The following SLC30A7 variants were observed in gnomAD, a reference collection of about 807,000 sequenced individuals.
SLC30A7 encodes zinc transporter 7.
In SLC30A7, 35 loss-of-function variants were observed where a neutral mutation model predicts 46.0. The ratio of observed to expected loss-of-function variants is 0.76; its 90% CI spans 0.58 to 1.01. The LOEUF (loss-of-function observed/expected upper bound fraction) is 1.01, where lower values mean the gene tolerates loss of function less well. Ranked by LOEUF, SLC30A7 falls within the 50% of genes least tolerant of loss-of-function variation. SLC30A7 has a pLI of 0.00. For missense variants in SLC30A7, 464 were observed against 451.1 expected, an observed-to-expected ratio of 1.03 and a Z score of -0.26; for synonymous variants, 147 against 157.8, an observed-to-expected ratio of 0.93 and a Z score of 0.51.
the SLC30A7 span, among the ~76,000 whole-genome samples, chr1:100,992,187 T>A: frequency 6.6e-6 from 1 of 152,046 alleles, no homozygotes; most frequent in Non-Finnish European, 1.5e-5. Flanking sequence ...ATTAGGAATA[T>A]AAGAACAAAT....
chr1:100,898,643 G>A (rs142641930), intron 2 of SLC30A7, among the ~76,000 whole-genome samples: 1 of 152,052 alleles, frequency 6.6e-6, no homozygotes, highest in Non-Finnish European at 1.5e-5. Context: ...ATTGATATTT[G>A]GGCAGATTTA....
chr1:100,939,368 A>G (rs1029764653), intron 8 of SLC30A7, among the ~76,000 whole-genome samples: 1 of 152,204 alleles, frequency 6.6e-6, no homozygotes, highest in African/African-American at 2.4e-5. Flanking sequence ...TGTTCTTTAT[A>G]TATATAAACA....
intron 10 of SLC30A7, among the ~76,000 whole-genome samples, chr1:100,974,533 G>C (rs1030613065): frequency 6.6e-6 from 1 of 152,140 alleles, no homozygotes; most frequent in African/African-American, 2.4e-5. Flanking sequence ...TCCTCTAACA[G>C]AGTAACTGTA....
chr1:100,983,893 T>C (rs1657123939), downstream of SLC30A7, among the ~76,000 whole-genome samples: 1 of 152,224 alleles, frequency 6.6e-6, no homozygotes, highest in Non-Finnish European at 1.5e-5. Context: ...TGATTAGCCG[T>C]CGCTGTCTTC....
chr1:100,901,800 C>T (rs1435916088), intron 2 of SLC30A7, among the ~76,000 whole-genome samples: 27 of 152,160 alleles, frequency 1.8e-4, no homozygotes. Context: ...TTTACAAATA[C>T]ATTTTAGAGA....
At chr1:100,956,238 A>G (rs1655212694) in intron 8 of SLC30A7, among the ~76,000 whole-genome samples, 1 of 152,158 alleles carries the variant, frequency 6.6e-6, no homozygotes, top group Non-Finnish European at 1.5e-5. Context: ...AATGGTGTTA[A>G]AATGAGTGAT....
chr1:100,971,453 T>C (rs1284126600), intron 10 of SLC30A7, among the ~76,000 whole-genome samples: 4 of 152,134 alleles, frequency 2.6e-5, no homozygotes, highest in African/African-American at 9.7e-5. Flanking sequence ...CTGACCTCCT[T>C]TGGAGGTTGG....
At chr1:100,962,113 G>T (rs1655582753) in intron 9 of SLC30A7, among the ~76,000 whole-genome samples, 195 bp downstream of exon 9, 2 of 152,170 alleles carry the variant, frequency 1.3e-5, no homozygotes, top group African/African-American at 2.4e-5. Context: ...AGAAAATGTG[G>T]TAGAAATTGT....
At chr1:100,913,948 T>C in intron 6 of SLC30A7, 142 bp downstream of exon 6, 1 of 1,236,040 alleles carries the variant, frequency 8.1e-7, no homozygotes, top group South Asian at 1.7e-5. Flanking sequence ...TTCCCAGGGC[T>C]AGTTTATTTT....
chr1:100,956,877 T>C (rs943987299), intron 8 of SLC30A7, among the ~76,000 whole-genome samples: 2 of 152,226 alleles, frequency 1.3e-5, no homozygotes, highest in African/African-American at 2.4e-5. Flanking sequence ...AAGCATAATA[T>C]GTAGTTGCTT....
intron 2 of SLC30A7, among the ~76,000 whole-genome samples, chr1:100,904,958 A>G (rs898024444): frequency 6.6e-6 from 1 of 151,440 alleles, no homozygotes; most frequent in Non-Finnish European, 1.5e-5. Flanking sequence ...GATGGAGACA[A>G]CTTTCCTTCT....
At chr1:100,898,869 A>G (rs1241441982) in intron 2 of SLC30A7, among the ~76,000 whole-genome samples, 1 of 152,206 alleles carries the variant, frequency 6.6e-6, no homozygotes, top group Non-Finnish European at 1.5e-5. Context: ...TCATTCTGTA[A>G]AAATAAATTT....
intron 9 of SLC30A7, 37 bp downstream of exon 9, chr1:100,961,955 C>G: frequency 7.6e-7 from 1 of 1,307,718 alleles, no homozygotes; most frequent in Non-Finnish European, 1.1e-6. Flanking sequence ...GGATTTTATG[C>G]TGTTTTCAAT....
downstream of SLC30A7, among the ~76,000 whole-genome samples, chr1:100,984,108 C>T (rs910835690): frequency 6.6e-6 from 1 of 152,116 alleles, no homozygotes; most frequent in African/African-American, 2.4e-5. Context: ...AAGCTTTGGC[C>T]AGGCAATCCT....
the SLC30A7 span, among the ~76,000 whole-genome samples, chr1:100,986,804 G>C: frequency 1.8e-4 from 28 of 152,318 alleles, no homozygotes; most frequent in South Asian, 8.3e-4. Context: ...GACAGTGGGA[G>C]ATCTTGTGGG....
At chr1:100,955,167 T>A (rs975626177) in intron 8 of SLC30A7, among the ~76,000 whole-genome samples, 1 of 152,100 alleles carries the variant, frequency 6.6e-6, no homozygotes, top group African/African-American at 2.4e-5. Flanking sequence ...TCGTAATGCA[T>A]ACCCTTTTTT....
intron 7 of SLC30A7, 91 bp downstream of exon 7, chr1:100,918,218 A>C: frequency 9.5e-7 from 1 of 1,055,806 alleles, no homozygotes; most frequent in Non-Finnish European, 1.4e-6. Flanking sequence ...CTTTAAGAAA[A>C]ATATAAAACA....
chr1:100,939,072 A>G (rs1027890955), intron 8 of SLC30A7, among the ~76,000 whole-genome samples: 7 of 152,236 alleles, frequency 4.6e-5, no homozygotes, highest in Non-Finnish European at 1.0e-4. Context: ...TCACAGCCCT[A>G]AAGTCTAAAT....
chr1:100,930,981 A>G (rs764813460), intron 8 of SLC30A7, among the ~76,000 whole-genome samples: 1 of 152,122 alleles, frequency 6.6e-6, no homozygotes, highest in Admixed American at 6.6e-5. Flanking sequence ...CTAGAAAATT[A>G]CAGTTATGTA....
Sources: allele counts gnomAD v4.1 joint callset (sites outside exome capture counted in the v4.1 genomes callset), GRCh38; gene constraint gnomAD v4.1.1; transcripts MANE v1.5; gene names NCBI Gene and HGNC (gene_info 2026-07-23, HGNC 2026-07-21).